Variants in IL3RA observed in about 807,000 individuals in gnomAD.
IL3RA encodes interleukin 3 receptor subunit alpha, also known as interleukin-3 receptor subunit alpha.
A neutral mutation model predicts 52.3 loss-of-function variants in IL3RA; 73 were observed. That is an observed-to-expected ratio of 1.40 (90% CI 1.16 to 1.70). IL3RA has a LOEUF of 1.70. IL3RA is among the 40% of genes most tolerant of loss of function. The pLI is 0.00. For synonymous variants in IL3RA, 260 were observed against 194.0 expected (o/e 1.34, Z -2.83); for missense variants, 664 against 504.4 (o/e 1.32, Z -3.03).
rs1220020623 is a variant in IL3RA at position 1,365,319 on chromosome X, CGCGGGGTGA to C, written c.874+76_874+84del. On this transcript the variant is annotated intron_variant, in intron 9 of 11. Coordinates refer to ENST00000331035, the MANE Select transcript of IL3RA (RefSeq NM_002183.4). The stretch of plus-strand genomic sequence containing the variant: ...CGGGGTGCGCGGGGTGAGCGGGGTG[CGCGGGGTGA>C]GCGGGGTGCGCGGGGTGAGCGGGGT... 42 of 671,956 alleles carry C rather than the reference CGCGGGGTGA, an allele frequency of 6.3e-5. 2 individuals are homozygous for C. The highest frequency in any genetic ancestry group is 5.4e-4 in the South Asian group (30 of 55,700). The allele number at this position is 671,956 out of a possible 1,614,324, so 41.6% of individuals were successfully genotyped here. A position where few individuals can be genotyped will look rare whatever the true frequency, so the allele number is the denominator to read the frequency against.
chrX:1,339,966 G>T (rs73624877), intron 1 of IL3RA, among the ~76,000 whole-genome samples: 6,607 of 152,040 alleles, frequency 0.043, 479 homozygotes, highest in African/African-American at 0.15. Flanking sequence ...TCCGTGTGTT[G>T]ATTTCATCAT....
At chrX:1,355,815 G>C (rs1466276078) in intron 6 of IL3RA, among the ~76,000 whole-genome samples, 1 of 152,010 alleles carries the variant, frequency 6.6e-6, no homozygotes, top group African/African-American at 2.4e-5. Flanking sequence ...TGGGAAGTAG[G>C]GGTTGGCCCT....
intron 8 of IL3RA, among the ~76,000 whole-genome samples, chrX:1,359,228 C>G (rs1313957510): frequency 6.6e-6 from 1 of 151,910 alleles, no homozygotes; most frequent in Non-Finnish European, 1.5e-5. Context: ...GCCCCAGATT[C>G]CTTACCCTGG....
intron 3 of IL3RA, among the ~76,000 whole-genome samples, chrX:1,345,647 G>T (rs2085710173): frequency 6.6e-6 from 1 of 151,510 alleles, no homozygotes; most frequent in Non-Finnish European, 1.5e-5. Context: ...CCGCCACCAT[G>T]CCCGGCTAAT....
chrX:1,358,265 C>G (rs1190447909), intron 7 of IL3RA, among the ~76,000 whole-genome samples: 1 of 152,248 alleles, frequency 6.6e-6, no homozygotes, highest in African/African-American at 2.4e-5. Flanking sequence ...TGTGGCTACC[C>G]CTGAGTGCAT....
At chrX:1,347,094 G>A (rs2085773410) in intron 3 of IL3RA, among the ~76,000 whole-genome samples, 2 of 151,370 alleles carry the variant, frequency 1.3e-5, no homozygotes, top group South Asian at 4.1e-4. Context: ...AGGAGAACCT[G>A]CCTTACCTAT....
chrX:1,358,021 C>T (rs1451967305), intron 7 of IL3RA, among the ~76,000 whole-genome samples: 14 of 150,922 alleles, frequency 9.3e-5, no homozygotes, highest in Non-Finnish European at 1.6e-4. Context: ...AGGAGAATGG[C>T]GTAAACCCAG....
In IL3RA at chrX:1,345,358, C is replaced by A; in HGVS notation, c.107C>A (p.Ala36Asp). Reference sequence around the variant, plus strand: ...ACGAACCTAAGGATGAAAGCAAAGGCTCAGCAGTTGACCTGGGACCTTAAC... The same window carrying A: ...ACGAACCTAAGGATGAAAGCAAAGGATCAGCAGTTGACCTGGGACCTTAAC... The part of the protein sequence containing the change: ...PITNLRMKAK[A>D]QQLTWDLNRN... The change falls in exon 3 of 12, where the codon GCT becomes GAT. Residue 36 changes from alanine (A) to aspartate (D), a missense_variant. By Grantham distance (126) the Ala-to-Asp change is moderately radical. Transcript: ENST00000331035. The A allele has an allele frequency of 6.2e-7, 1 of 1,611,616 alleles. No homozygotes were observed. The highest frequency in any genetic ancestry group is 8.5e-7 in the Non-Finnish European group (1 of 1,178,520).
chrX:1,361,913 G>C (rs139713869), intron 8 of IL3RA, among the ~76,000 whole-genome samples: 2 of 151,866 alleles, frequency 1.3e-5, no homozygotes, highest in East Asian at 3.9e-4. Flanking sequence ...ACAACACGTG[G>C]GAGTTATAAG....
At chrX:1,356,465 A>AAAAAAC (rs746056023) in intron 7 of IL3RA, 129 bp downstream of exon 7, 17,217 of 644,954 alleles carry the variant, frequency 0.027, 318 homozygotes, top group Middle Eastern at 0.036. Context: ...ATGGATCATT[A>AAAAAAC]AAAAACAAAA....
chrX:1,346,884 G>A (rs1367842179), intron 3 of IL3RA, among the ~76,000 whole-genome samples: 4 of 151,134 alleles, frequency 2.6e-5, no homozygotes, highest in Non-Finnish European at 5.9e-5. Flanking sequence ...CCCTTCATGC[G>A]TCTGCTCGGG....
chrX:1,368,238 G>A (rs1239439685), intron 9 of IL3RA, among the ~76,000 whole-genome samples: 1 of 151,936 alleles, frequency 6.6e-6, no homozygotes, highest in Non-Finnish European at 1.5e-5. Context: ...CATCCAGCCT[G>A]GGCGACAAGA....
At position 1,359,381 on chromosome X, in the gene IL3RA, G is replaced by A. The variant is rs188486182; in HGVS notation, c.759+494G>A. On this transcript the variant is annotated intron_variant, in intron 8 of 11. Transcript: ENST00000331035. ...CTGGGATCTGCAGGAACAGACAGCC[G>A]GACCACAGCATTCTCTGTCCCCTCT... Among the ~76,000 whole-genome samples the A allele has an allele frequency of 1.3e-4, 20 of 152,076 alleles. No individual in the cohort carries two copies. The East Asian group carries it at 3.1e-3, about 23-fold the overall frequency.
chrX:1,362,293 TC>T (rs1349175004), intron 8 of IL3RA, among the ~76,000 whole-genome samples: 2 of 151,444 alleles, frequency 1.3e-5, no homozygotes, highest in African/African-American at 4.9e-5. Flanking sequence ...CCTCTCTGTC[TC>T]CCCTCTCTGT....
chrX:1,359,770 C>G (rs2087040122), intron 8 of IL3RA, among the ~76,000 whole-genome samples: 1 of 148,962 alleles, frequency 6.7e-6, no homozygotes, highest in Non-Finnish European at 1.5e-5. Flanking sequence ...CTCTCCCTCT[C>G]TCATTCTCCC....
intron 3 of IL3RA, among the ~76,000 whole-genome samples, chrX:1,347,400 G>T (rs866864194): frequency 2.6e-5 from 4 of 151,356 alleles, no homozygotes; most frequent in Non-Finnish European, 5.9e-5. Context: ...AGCCGAGATC[G>T]CGCCACTGCA....
At chrX:1,380,866 G>A (rs770054546) in intron 10 of IL3RA, among the ~76,000 whole-genome samples, 157 bp from the exon 11 acceptor site, 1 of 151,862 alleles carries the variant, frequency 6.6e-6, no homozygotes, top group African/African-American at 2.4e-5. Context: ...TCGGGGGCGT[G>A]TCAGGGCCTC....
intron 1 of IL3RA, among the ~76,000 whole-genome samples, 169 bp from the exon 2 acceptor site, chrX:1,341,559 C>G (rs1569519046): frequency 1.3e-5 from 1 of 75,338 alleles, no homozygotes; most frequent in Non-Finnish European, 3.1e-5. Flanking sequence ...CATGCATGTG[C>G]AAAGGCGCAT....
chrX:1,343,011 G>A (rs555070639), intron 2 of IL3RA, among the ~76,000 whole-genome samples: 1 of 151,712 alleles, frequency 6.6e-6, no homozygotes, highest in Non-Finnish European at 1.5e-5. Context: ...GGAGGAGGAG[G>A]TTGCAGTGAG....
Sources: allele counts gnomAD v4.1 joint callset (sites outside exome capture counted in the v4.1 genomes callset), GRCh38; gene constraint gnomAD v4.1.1; transcripts MANE v1.5; gene names NCBI Gene and HGNC (gene_info 2026-07-23, HGNC 2026-07-21).